Variants in GPR132 observed in about 807,000 individuals in gnomAD.
GPR132 encodes probable G protein-coupled receptor 132.
A neutral mutation model predicts 1.9 loss-of-function variants in GPR132; 4 were observed. The ratio of observed to expected loss-of-function variants is 2.13; its 90% CI spans 1.05 to 4.87. The LOEUF (loss-of-function observed/expected upper bound fraction) is 4.87, where lower values mean the gene tolerates loss of function less well. Ranked by LOEUF, GPR132 falls within the 30% of genes most tolerant of loss-of-function variation. The probability of loss-of-function intolerance (pLI) is 0.01; values close to 1 mark genes in which losing one functional copy is unlikely to be tolerated. For synonymous variants in GPR132, 233 were observed against 234.2 expected (o/e 0.99, Z 0.05); for missense variants, 404 against 512.5 (o/e 0.79, Z 2.04).
chr14:105,053,975 C>G, intron 3 of GPR132: 1 of 1,234,920 alleles, frequency 8.1e-7, no homozygotes, highest in Non-Finnish European at 1.0e-6. Context: ...TCCTTTCCAG[C>G]CAGGGGGTTG....
At position 105,051,884 on chromosome 14, in the gene GPR132, C is replaced by A. The variant is rs1595134295; in HGVS notation, c.253G>T (p.Ala85Ser). ...CCTGTGTACAGCAGCTCGCAGAGTG[C>A]CAGGCAGAGCAGGTAGACGGCCAGC... ...NVLAVYLLCL[A>S]LCELLYTGTL... Residue 85 changes from alanine (A) to serine (S), a missense_variant, in exon 4 of 4, where the codon GCA (alanine) becomes TCA (serine). Ala to Ser is a moderately conservative substitution (Grantham distance 99). Coordinates refer to ENST00000329797, the MANE Select transcript of GPR132 (RefSeq NM_013345.4). The surrounding 1 kb of genome is among the most constrained non-coding windows in gnomAD (Gnocchi z 8.0). 1.2e-6 allele frequency: 2 copies of A among 1,613,606 alleles called. No individual in the cohort carries two copies. The highest frequency in any genetic ancestry group is 4.5e-5 in the East Asian group (2 of 44,870).
rs374035393 is a variant in GPR132, at chr14:105,051,938, C to T, written c.199G>A (p.Ala67Thr). 1.5e-5 allele frequency: 24 copies of T among 1,613,484 alleles called. No homozygotes were observed. Among genetic ancestry groups the T allele is most frequent in the Non-Finnish European group, 2.0e-5 (24 of 1,179,988 alleles). ...VPANCLTAWL[A>T]LLQVLQGNVL... ...TTGCCCTGCAGTACCTGCAGCAGCG[C>T]CAGCCACGCAGTCAGGCAGTTGGCC... The change falls in exon 4 of 4, where the codon GCG becomes ACG. Residue 67 changes from alanine (A) to threonine (T), a missense_variant. Physicochemically the swap from Ala to Thr is moderately conservative, Grantham distance 58. Coordinates refer to ENST00000329797, the MANE Select transcript of GPR132 (RefSeq NM_013345.4). The surrounding 1 kb of genome is among the most constrained non-coding windows in gnomAD (Gnocchi z 8.0).
At chr14:105,058,494 C>T (rs553408274) in intron 1 of GPR132, among the ~76,000 whole-genome samples, 1 of 152,314 alleles carries the variant, frequency 6.6e-6, no homozygotes, top group East Asian at 1.9e-4. Flanking sequence ...AAATAAAGAC[C>T]TTTTAAACTC....
intron 3 of GPR132, among the ~76,000 whole-genome samples, 157 bp from the exon 4 acceptor site, chr14:105,052,259 A>G (rs1196906892): frequency 3.3e-5 from 5 of 152,236 alleles, no homozygotes; most frequent in Non-Finnish European, 7.3e-5. Flanking sequence ...AGCAATTATT[A>G]GATAGTGGAT....
rs983721296 is a variant in GPR132, at chr14:105,050,843, T to C, written c.*151A>G. The C allele has an allele frequency of 2.2e-5, 16 of 713,314 alleles. No individual in the cohort carries two copies. Among genetic ancestry groups the C allele is most frequent in the Non-Finnish European group, 2.3e-6 (1 of 439,400 alleles). The allele number at this position is 713,314 out of a possible 1,614,324, so 44.2% of individuals were successfully genotyped here. A position where few individuals can be genotyped will look rare whatever the true frequency, so the allele number is the denominator to read the frequency against. ...TCCATGTGGGAAAGCCTGGGGCCAG[T>C]GGTCACGGAGGGAGTGGCTTCAGGA... On this transcript the variant is annotated 3_prime_UTR_variant, in exon 4 of 4. Transcript: ENST00000329797. The surrounding 1 kb of genome is among the most constrained non-coding windows in gnomAD (Gnocchi z 4.0).
chr14:105,064,989 C>A (rs1029787886), intron 1 of GPR132, among the ~76,000 whole-genome samples: 1 of 151,768 alleles, frequency 6.6e-6, no homozygotes, highest in African/African-American at 2.4e-5. Context: ...CCCTTCAGTG[C>A]CCCCCGACCA....
chr14:105,058,108 C>T (rs1886849533), intron 1 of GPR132: 1 of 152,180 alleles, frequency 6.6e-6, no homozygotes, highest in African/African-American at 2.4e-5. Context: ...TAACTCATGG[C>T]TGTAAATCCC....
chr14:105,058,589 T>C (rs1409245119), intron 1 of GPR132, among the ~76,000 whole-genome samples: 1 of 152,244 alleles, frequency 6.6e-6, no homozygotes, highest in East Asian at 1.9e-4. Context: ...TTGCAATATG[T>C]TTCCAAAAAT....
intron 1 of GPR132, chr14:105,058,152 G>A (rs1425159971): frequency 6.6e-6 from 1 of 152,168 alleles, no homozygotes; most frequent in Admixed American, 6.6e-5. Context: ...GAGGATAGCT[G>A]GAGTCCAGGA....
At chr14:105,054,821 C>T (rs557559254) in intron 3 of GPR132, among the ~76,000 whole-genome samples, 1 of 150,488 alleles carries the variant, frequency 6.6e-6, no homozygotes, top group African/African-American at 2.4e-5. Flanking sequence ...GGGGAGATCA[C>T]TAGAGGTCAG....
rs35863392 is a variant in GPR132 at position 105,055,023 on chromosome 14, CAAAAAA to C, written c.34+358_34+363del. 0.012 allele frequency among the ~76,000 whole-genome samples: 1,118 copies of C among 91,298 alleles called. 6 individuals are homozygous for C. The highest frequency in any genetic ancestry group is 0.018 in the Non-Finnish European group (867 of 46,922). 59.9% of individuals were successfully genotyped at this position (91,298 alleles called of 152,430 possible). A position where few individuals can be genotyped will look rare whatever the true frequency, so the allele number is the denominator to read the frequency against. ...AGGGCAACAGAGCAAGACTCCATCT[CAAAAAA>C]AAAAAAAAAAAAAAAATTCGGCCCC... is the stretch of plus-strand genomic sequence containing the variant. On this transcript the variant is annotated intron_variant, in intron 3 of 3. Coordinates refer to ENST00000329797, the MANE Select transcript of GPR132 (RefSeq NM_013345.4). This position sits in a 1 kb window ranked among gnomAD's most constrained non-coding sequence, Gnocchi z 4.7.
chr14:105,055,928 C>T lies in GPR132; in HGVS notation c.-508G>A, dbSNP rs1490673488. Reference sequence around the variant, plus strand: ...CTGCTGAGAATGACGGTGTCAAGAACATGAGGAGGGCTGTTCACGTCCCTG... The same window carrying T: ...CTGCTGAGAATGACGGTGTCAAGAATATGAGGAGGGCTGTTCACGTCCCTG... On this transcript the variant is annotated 5_prime_UTR_variant, in exon 3 of 4. It removes an upstream start codon present in the reference 5' UTR. Coordinates refer to ENST00000329797, the MANE Select transcript of GPR132 (RefSeq NM_013345.4). This position sits in a 1 kb window ranked among gnomAD's most constrained non-coding sequence, Gnocchi z 4.7. The T allele has an allele frequency of 1.3e-5, 2 of 156,582 alleles. No individual in the cohort carries two copies. Among genetic ancestry groups the T allele is most frequent in the Admixed American group, 6.4e-5 (1 of 15,620 alleles). 9.7% of individuals were successfully genotyped at this position (156,582 alleles called of 1,614,324 possible).
At position 105,055,564 on chromosome 14, in the gene GPR132, C is replaced by A. The variant is rs112456268; in HGVS notation, c.-144G>T. ...TTCCACTTTGTCTCTGTGCGCTGGGCTCCCCTGTCACCTCCCCACGTGGGT... is the reference window on the plus strand; with the variant it reads ...TTCCACTTTGTCTCTGTGCGCTGGGATCCCCTGTCACCTCCCCACGTGGGT... On this transcript the variant is annotated 5_prime_UTR_variant, in exon 3 of 4. Coordinates refer to ENST00000329797, the MANE Select transcript of GPR132 (RefSeq NM_013345.4). The surrounding 1 kb of genome is among the most constrained non-coding windows in gnomAD (Gnocchi z 4.7). 2.4e-5 allele frequency: 17 copies of A among 712,188 alleles called. No homozygotes were observed. The highest frequency in any genetic ancestry group is 1.1e-4 in the African/African-American group (6 of 56,524). 44.1% of individuals were successfully genotyped at this position (712,188 alleles called of 1,614,324 possible). A position where few individuals can be genotyped will look rare whatever the true frequency, so the allele number is the denominator to read the frequency against.
intron 1 of GPR132, among the ~76,000 whole-genome samples, chr14:105,058,859 G>C (rs1886868330): frequency 6.6e-6 from 1 of 152,248 alleles, no homozygotes; most frequent in South Asian, 2.1e-4. Context: ...CAGCCAAAGA[G>C]GGTTTGCAGG....
chr14:105,062,690 C>T (rs1354992506), intron 1 of GPR132, among the ~76,000 whole-genome samples: 1 of 151,520 alleles, frequency 6.6e-6, no homozygotes, highest in Non-Finnish European at 1.5e-5. Flanking sequence ...ACAGGCACAC[C>T]ACCACGTCCA....
In GPR132 at chr14:105,056,404, A is replaced by G. The variant is rs1401548768; in HGVS notation, c.-746-238T>C. ...GCTCAGAGGAAGTTTCGGGCCCCCT[A>G]CACGGCCCCGTCTCTTTCATGACAA... On this transcript the variant is annotated intron_variant, in intron 2 of 3. Transcript: ENST00000329797. The surrounding 1 kb of genome is among the most constrained non-coding windows in gnomAD (Gnocchi z 6.0). Among the ~76,000 whole-genome samples the G allele has an allele frequency of 6.6e-6, 1 of 152,146 alleles. No homozygotes were observed. The highest frequency in any genetic ancestry group is 1.5e-5 in the Non-Finnish European group (1 of 68,028).
At chr14:105,063,035 TC>T (rs1168467383) in intron 1 of GPR132, among the ~76,000 whole-genome samples, 1 of 152,028 alleles carries the variant, frequency 6.6e-6, no homozygotes, top group African/African-American at 2.4e-5. Flanking sequence ...CACATCATCC[TC>T]CCTTCCGAGT....
intron 3 of GPR132, among the ~76,000 whole-genome samples, chr14:105,052,851 C>G (rs1041488803): frequency 2.0e-5 from 3 of 151,198 alleles, no homozygotes; most frequent in African/African-American, 7.3e-5. Flanking sequence ...CCCAGCTACT[C>G]TGGAGGCTGA....
chr14:105,062,029 G>A (rs1886957300), intron 1 of GPR132, among the ~76,000 whole-genome samples: 1 of 152,190 alleles, frequency 6.6e-6, no homozygotes, highest in Non-Finnish European at 1.5e-5. Context: ...TGCTCTGAGG[G>A]ACTATGACAG....
Sources: allele counts gnomAD v4.1 joint callset (sites outside exome capture counted in the v4.1 genomes callset), GRCh38; gene constraint gnomAD v4.1.1; non-coding constraint Gnocchi (gnomAD v3.1); transcripts MANE v1.5; gene names NCBI Gene and HGNC (gene_info 2026-07-23, HGNC 2026-07-21).